The following TMEM232 variants were observed in gnomAD, a reference collection of about 807,000 sequenced individuals.
The protein encoded by TMEM232 is transmembrane protein 232.
In TMEM232, 80 loss-of-function variants were observed where a neutral mutation model predicts 78.8. The ratio of observed to expected loss-of-function variants is 1.01; its 90% CI spans 0.85 to 1.22. TMEM232 has a LOEUF of 1.22. Ranked by LOEUF, TMEM232 falls within the 50% of genes most tolerant of loss-of-function variation. The pLI, the probability that TMEM232 is intolerant of heterozygous loss-of-function variation, is 0.00. For missense variants in TMEM232, 881 were observed against 742.2 expected (o/e 1.19, Z -2.17); for synonymous variants, 297 against 254.3 (o/e 1.17, Z -1.60).
chr5:110,522,932 T>C (rs972800037), intron 12 of TMEM232, among the ~76,000 whole-genome samples: 4 of 152,142 alleles, frequency 2.6e-5, no homozygotes, highest in African/African-American at 9.7e-5. Context: ...CTTAAACTAG[T>C]TGGAAGCTTT....
intron 12 of TMEM232, among the ~76,000 whole-genome samples, chr5:110,427,050 G>T (rs1580628863): frequency 1.3e-5 from 2 of 151,864 alleles, no homozygotes; most frequent in Non-Finnish European, 2.9e-5. Flanking sequence ...TACCTCAGTT[G>T]AATTTTGTGC....
At chr5:110,467,855 A>C (rs773058178) in intron 12 of TMEM232, among the ~76,000 whole-genome samples, 2 of 152,078 alleles carry the variant, frequency 1.3e-5, no homozygotes, top group Non-Finnish European at 2.9e-5. Context: ...AGGTTCTTCT[A>C]TCCAAGATTC....
At chr5:110,397,473 A>AT (rs1451359757) in intron 3 of TMEM232, among the ~76,000 whole-genome samples, 2 of 152,148 alleles carry the variant, frequency 1.3e-5, no homozygotes, top group African/African-American at 4.8e-5. Flanking sequence ...TCCTCAGTAT[A>AT]TTAGCGCTAA....
At position 110,409,535 on chromosome 5, in the gene TMEM232, C is replaced by T. The variant is rs116123643; in HGVS notation, n.309-11681G>A. ...CATTGGAAAATGATATATCTCTGGT[C>T]AGTACATTCACAGTCTGAGTTGCTG... On this transcript the variant is annotated intron_variant and non_coding_transcript_variant, in intron 2 of 8. Transcript: ENST00000507188. Among the ~76,000 whole-genome samples the T allele has an allele frequency of 5.3e-3, 802 of 152,300 alleles. 3 individuals are homozygous for T. Among genetic ancestry groups the T allele is most frequent in the Non-Finnish European group, 8.0e-3 (547 of 68,024 alleles).
intron 5 of TMEM232, among the ~76,000 whole-genome samples, chr5:110,631,703 T>A (rs904000760): frequency 2.0e-5 from 3 of 152,162 alleles, no homozygotes; most frequent in African/African-American, 7.2e-5. Flanking sequence ...ACTACAGTGC[T>A]GCTACAACTG....
At chr5:110,482,908 C>T (rs1471247275) in intron 12 of TMEM232, among the ~76,000 whole-genome samples, 1 of 150,626 alleles carries the variant, frequency 6.6e-6, no homozygotes, top group African/African-American at 2.5e-5. Flanking sequence ...TCCCATGGCA[C>T]ACTTTCCTAC....
chr5:110,535,988 G>T (rs539609548), intron 11 of TMEM232, among the ~76,000 whole-genome samples: 1 of 152,318 alleles, frequency 6.6e-6, no homozygotes, highest in East Asian at 1.9e-4. Context: ...AGTACCTGTG[G>T]TTGATCCTTT....
chr5:110,669,387 A>T (rs1241276144), intron 1 of TMEM232, among the ~76,000 whole-genome samples: 1 of 152,088 alleles, frequency 6.6e-6, no homozygotes, highest in Non-Finnish European at 1.5e-5. Context: ...TAGAAGAAAT[A>T]GATAAATTCC....
At chr5:110,549,137 G>A (rs1225201057) in intron 11 of TMEM232, among the ~76,000 whole-genome samples, 3 of 151,880 alleles carry the variant, frequency 2.0e-5, no homozygotes, top group Non-Finnish European at 2.9e-5. Flanking sequence ...TAAATTAATA[G>A]TGTACAAAAC....
intron 1 of TMEM232, among the ~76,000 whole-genome samples, chr5:110,716,990 CA>C (rs1156327794): frequency 5.9e-5 from 9 of 152,062 alleles, no homozygotes; most frequent in African/African-American, 2.2e-4. Flanking sequence ...CATCACTAAG[CA>C]GACAATAAAG....
chr5:110,392,029 C>T (rs1029012696), intron 3 of TMEM232, among the ~76,000 whole-genome samples: 20 of 152,156 alleles, frequency 1.3e-4, no homozygotes, highest in Non-Finnish European at 1.2e-4. Flanking sequence ...ATGGAGAGCT[C>T]ATATTTCTTT....
chr5:110,476,953 C>T (rs1247542717), intron 12 of TMEM232, among the ~76,000 whole-genome samples: 1 of 151,828 alleles, frequency 6.6e-6, no homozygotes, highest in East Asian at 1.9e-4. Context: ...ACATGAAATT[C>T]CCTTAGTATT....
intron 12 of TMEM232, among the ~76,000 whole-genome samples, chr5:110,459,516 T>TA (rs1332268468): frequency 1.3e-5 from 2 of 152,118 alleles, no homozygotes; most frequent in African/African-American, 4.8e-5. Context: ...TGAAATTAAT[T>TA]AAAAAGTAAA....
chr5:110,453,094 G>T (rs2149339461), intron 12 of TMEM232, among the ~76,000 whole-genome samples: 1 of 152,196 alleles, frequency 6.6e-6, no homozygotes, highest in South Asian at 2.1e-4. Flanking sequence ...GAAGATAATT[G>T]CTATTCCTTG....
At chr5:110,432,556 A>G (rs1757976715) in intron 12 of TMEM232, among the ~76,000 whole-genome samples, 2 of 151,712 alleles carry the variant, frequency 1.3e-5, no homozygotes, top group Admixed American at 1.3e-4. Flanking sequence ...CGGTCCCTAC[A>G]AAGCAAGTAC....
At chr5:110,478,686 C>T (rs781350025) in intron 12 of TMEM232, among the ~76,000 whole-genome samples, 1 of 151,600 alleles carries the variant, frequency 6.6e-6, no homozygotes, top group Non-Finnish European at 1.5e-5. Context: ...GTATGTACAG[C>T]AAAGGGAATT....
At chr5:110,508,569 C>T (rs895996587) in intron 12 of TMEM232, among the ~76,000 whole-genome samples, 1 of 150,828 alleles carries the variant, frequency 6.6e-6, no homozygotes, top group Non-Finnish European at 1.5e-5. Flanking sequence ...ATTAGTATTC[C>T]TCATGGAGTC....
At chr5:110,465,420 C>G (rs1479868324) in intron 12 of TMEM232, among the ~76,000 whole-genome samples, 1 of 152,158 alleles carries the variant, frequency 6.6e-6, no homozygotes, top group South Asian at 2.1e-4. Context: ...AGTCACCTTA[C>G]CAGCCCTGAA....
At chr5:110,689,280 G>A (rs1793798220) in intron 1 of TMEM232, among the ~76,000 whole-genome samples, 1 of 152,122 alleles carries the variant, frequency 6.6e-6, no homozygotes. Flanking sequence ...GAGTCTTGGA[G>A]TAGCCAATTT....
Sources: allele counts gnomAD v4.1 joint callset (sites outside exome capture counted in the v4.1 genomes callset), GRCh38; gene constraint gnomAD v4.1.1; transcripts MANE v1.5; gene names NCBI Gene and HGNC (gene_info 2026-07-23, HGNC 2026-07-21).